Variants in RIMS2 observed in about 807,000 individuals in gnomAD.
The protein encoded by RIMS2 is regulating synaptic membrane exocytosis protein 2.
RIMS2 carries 59 observed loss-of-function variants against 174.4 expected under a neutral mutation model. That is an observed-to-expected ratio of 0.34 (90% CI 0.27 to 0.42). The LOEUF is 0.42. Among genes scored for constraint, RIMS2 ranks in the 10% least tolerant of loss-of-function variants. RIMS2 has a pLI of 1.00. For synonymous variants in RIMS2, 606 were observed against 572.5 expected (o/e 1.06, Z -0.84); for missense variants, 1,620 against 1,666.3 (o/e 0.97, Z 0.48).
At chr8:103,933,682 T>G (rs975806571) in intron 12 of RIMS2, among the ~76,000 whole-genome samples, 2 of 152,194 alleles carry the variant, frequency 1.3e-5, no homozygotes, top group African/African-American at 4.8e-5. Flanking sequence ...ATAAATTTTA[T>G]AGCTTACTTT....
chr8:104,121,432 T>C (rs1278036881), intron 19 of RIMS2, among the ~76,000 whole-genome samples: 1 of 152,168 alleles, frequency 6.6e-6, no homozygotes, highest in Admixed American at 6.6e-5. Context: ...ACCGTTACCT[T>C]TTTCTTAATG....
At chr8:104,146,204 CAA>C (rs36101798) in intron 19 of RIMS2, among the ~76,000 whole-genome samples, 16,898 of 65,910 alleles carry the variant, frequency 0.26, 885 homozygotes, top group South Asian at 0.37. Context: ...TCTCCTCTCC[CAA>C]AAAAAAAAAA....
chr8:103,785,479 AG>A (rs1482935587), intron 3 of RIMS2, among the ~76,000 whole-genome samples: 1 of 152,070 alleles, frequency 6.6e-6, no homozygotes, highest in East Asian at 1.9e-4. Flanking sequence ...TTTAGCATGA[AG>A]GGTTGTTGAA....
At chr8:103,512,527 G>A (rs2469974) in intron 1 of RIMS2, among the ~76,000 whole-genome samples, 123,372 of 151,984 alleles carry the variant, frequency 0.81, 50,569 homozygotes, top group African/African-American at 0.92. Flanking sequence ...GAAAAGGGAG[G>A]CTGCAGTGAA....
intron 1 of RIMS2, among the ~76,000 whole-genome samples, chr8:103,594,420 A>C (rs1333571692): frequency 6.6e-6 from 1 of 151,660 alleles, no homozygotes; most frequent in Non-Finnish European, 1.5e-5. Context: ...CTTGTTAATC[A>C]ATCAACAGTA....
intron 19 of RIMS2, among the ~76,000 whole-genome samples, chr8:104,053,333 G>T (rs2096819717): frequency 1.3e-5 from 2 of 152,130 alleles, no homozygotes; most frequent in Non-Finnish European, 2.9e-5. Context: ...AGATGCTCAA[G>T]TTATATAAAA....
At chr8:103,601,309 C>T (rs1384935845) in intron 1 of RIMS2, among the ~76,000 whole-genome samples, 2 of 152,134 alleles carry the variant, frequency 1.3e-5, no homozygotes, top group Non-Finnish European at 2.9e-5. Flanking sequence ...CTCTCTCTCT[C>T]TTTAGCTCCA....
At chr8:104,071,115 T>C (rs971998272) in intron 19 of RIMS2, among the ~76,000 whole-genome samples, 1 of 152,214 alleles carries the variant, frequency 6.6e-6, no homozygotes, top group Admixed American at 6.5e-5. Context: ...TATAGAAACC[T>C]GACAGAAATT....
intron 16 of RIMS2, among the ~76,000 whole-genome samples, chr8:103,982,402 G>A (rs1211358586): frequency 2.7e-5 from 4 of 147,930 alleles, no homozygotes; most frequent in African/African-American, 5.0e-5. Flanking sequence ...CTACAAGGCC[G>A]TTATTACTTT....
At chr8:103,727,202 A>G (rs2097537137) in intron 2 of RIMS2, among the ~76,000 whole-genome samples, 1 of 152,068 alleles carries the variant, frequency 6.6e-6, no homozygotes, top group African/African-American at 2.4e-5. Context: ...CTTGAATTTT[A>G]ATAATATGCA....
Position 103,954,680 on chromosome 8 carries a change from G to T in RIMS2, c.2702-6385G>T, listed in dbSNP as rs192009657. 3.0e-3 allele frequency among the ~76,000 whole-genome samples: 462 copies of T among 151,880 alleles called. 2 individuals are homozygous for T. Among genetic ancestry groups the T allele is most frequent in the African/African-American group, 0.01 (429 of 41,444 alleles). ...GATCTAAAATTTACACCCTAACATC[G>T]CAATTAAAAGAACTAGAGAAGCAAG... On this transcript the variant is annotated intron_variant, in intron 14 of 23. Transcript: ENST00000504942.
At chr8:104,179,578 A>G (rs983880232) in intron 19 of RIMS2, among the ~76,000 whole-genome samples, 3 of 151,852 alleles carry the variant, frequency 2.0e-5, no homozygotes, top group Admixed American at 6.6e-5. Flanking sequence ...AATTTACATA[A>G]TATCTATTTT....
intron 1 of RIMS2, among the ~76,000 whole-genome samples, chr8:103,569,566 A>G (rs1222828454): frequency 1.3e-5 from 2 of 151,994 alleles, no homozygotes; most frequent in Non-Finnish European, 2.9e-5. Flanking sequence ...CAGTATACAA[A>G]TCTTACACTG....
intron 2 of RIMS2, among the ~76,000 whole-genome samples, chr8:103,719,668 A>AT (rs1564398897): frequency 6.6e-6 from 1 of 152,212 alleles, no homozygotes; most frequent in Admixed American, 6.5e-5. Flanking sequence ...GAGAAATGAA[A>AT]TTTTTTAAAC....
intron 1 of RIMS2, among the ~76,000 whole-genome samples, chr8:103,567,840 G>T (rs2132223524): frequency 6.6e-6 from 1 of 152,222 alleles, no homozygotes; most frequent in East Asian, 1.9e-4. Context: ...TCTCTTTTTG[G>T]TTGTTTCCAT....
chr8:103,577,203 T>C (rs540327121), intron 1 of RIMS2, among the ~76,000 whole-genome samples: 2 of 152,042 alleles, frequency 1.3e-5, no homozygotes, highest in Non-Finnish European at 2.9e-5. Flanking sequence ...ATCTAGAATC[T>C]ACAAGGAACT....
intron 3 of RIMS2, among the ~76,000 whole-genome samples, chr8:103,851,865 G>A (rs916349498): frequency 1.3e-5 from 2 of 151,468 alleles, no homozygotes; most frequent in Non-Finnish European, 2.9e-5. Context: ...AAAATGAATT[G>A]CACTTTTAGA....
chr8:103,847,860 T>A (rs1298072233), intron 3 of RIMS2, among the ~76,000 whole-genome samples: 1 of 152,068 alleles, frequency 6.6e-6, no homozygotes, highest in African/African-American at 2.4e-5. Flanking sequence ...TATCTGTCAG[T>A]GTGGCTTTAT....
At chr8:104,073,248 T>C (rs1038250404) in intron 19 of RIMS2, among the ~76,000 whole-genome samples, 1 of 152,184 alleles carries the variant, frequency 6.6e-6, no homozygotes, top group Non-Finnish European at 1.5e-5. Context: ...TTAATATGGA[T>C]GATTTGATAA....
Sources: gnomAD v4.1 joint callset for allele counts (sites outside exome capture counted in the v4.1 genomes callset) on GRCh38, gnomAD v4.1.1 for gene constraint, MANE v1.5 for transcripts, NCBI Gene and HGNC (gene_info 2026-07-23, HGNC 2026-07-21) for gene names.